RSAD2: variants seen among roughly 807,000 people sequenced by gnomAD.
RSAD2 encodes the protein radical S-adenosyl methionine domain containing 2, also known as S-adenosylmethionine-dependent nucleotide dehydratase RSAD2.
A neutral mutation model predicts 37.7 loss-of-function variants in RSAD2; 38 were observed. The ratio of observed to expected loss-of-function variants is 1.01; its 90% CI spans 0.78 to 1.32. The LOEUF (loss-of-function observed/expected upper bound fraction) is 1.32. RSAD2 is among the 40% of genes most tolerant of loss of function. The pLI is 0.00. For missense variants in RSAD2, 428 were observed against 437.5 expected (o/e 0.98, Z 0.19); for synonymous variants, 163 against 157.4 (o/e 1.04, Z -0.27).
chr2:6,888,584 ATG>A (rs1663568661), intron 3 of RSAD2, among the ~76,000 whole-genome samples: 1 of 151,716 alleles, frequency 6.6e-6, no homozygotes, highest in Non-Finnish European at 1.5e-5. Context: ...CTTTTTTCAG[ATG>A]TGTAAATATT....
chr2:6,877,568 G>A (rs1172769567), upstream of RSAD2: 9 of 548,436 alleles, frequency 1.6e-5, no homozygotes, highest in South Asian at 4.4e-5. Flanking sequence ...TGAGGCAGCC[G>A]TGAGCAGAGA....
intron 1 of RSAD2, among the ~76,000 whole-genome samples, chr2:6,871,370 C>T (rs1371997986): frequency 6.6e-6 from 1 of 152,226 alleles, no homozygotes; most frequent in Non-Finnish European, 1.5e-5. Flanking sequence ...TAAACTATTT[C>T]TCTAGACTCA....
Position 6,868,818 on chromosome 2 carries a change from C to T in RSAD2, c.142+2773C>T, listed in dbSNP as rs1663153264. 2.6e-5 allele frequency among the ~76,000 whole-genome samples: 4 copies of T among 152,202 alleles called. No homozygotes were observed. In the South Asian group the frequency reaches 6.2e-4, roughly 24 times the overall value. Reference sequence around the variant, plus strand: ...GCTGCTCACCCCTTGCATATCTCCACAGGAGCCTCAAACCATGATTGCTGT... The same window carrying T: ...GCTGCTCACCCCTTGCATATCTCCATAGGAGCCTCAAACCATGATTGCTGT... On this transcript the variant is annotated intron_variant, in intron 1 of 5. Coordinates refer to the RSAD2 transcript ENST00000442639.
chr2:6,874,797 C>T (rs927326939), upstream of RSAD2, among the ~76,000 whole-genome samples: 4 of 152,180 alleles, frequency 2.6e-5, no homozygotes, highest in Admixed American at 1.3e-4. Context: ...TTTCTCCCTA[C>T]TTGAGTCCTC....
chr2:6,875,746 G>T (rs1279426631), upstream of RSAD2, among the ~76,000 whole-genome samples: 2 of 152,136 alleles, frequency 1.3e-5, no homozygotes, highest in Non-Finnish European at 2.9e-5. Context: ...AACACTACCT[G>T]CCCTGTTCTC....
intron 3 of RSAD2, 22 bp from the exon 4 acceptor site, chr2:6,890,154 A>G: frequency 6.2e-7 from 1 of 1,612,412 alleles, no homozygotes; most frequent in South Asian, 1.1e-5. Context: ...TCTGCAAAGC[A>G]AACACTACCA....
chr2:6,875,861 G>C (rs1281078310), upstream of RSAD2, among the ~76,000 whole-genome samples: 1 of 152,174 alleles, frequency 6.6e-6, no homozygotes, highest in Non-Finnish European at 1.5e-5. Context: ...ACCCTAGAAG[G>C]AGCTAGATTA....
chr2:6,881,280 A>G (rs1663395014), intron 1 of RSAD2, among the ~76,000 whole-genome samples: 1 of 152,216 alleles, frequency 6.6e-6, no homozygotes, highest in African/African-American at 2.4e-5. Flanking sequence ...TAGGGAGGTG[A>G]TATAATGCCT....
intron 2 of RSAD2, among the ~76,000 whole-genome samples, chr2:6,884,151 G>A (rs1663470559): frequency 6.6e-6 from 1 of 152,206 alleles, no homozygotes; most frequent in African/African-American, 2.4e-5. Context: ...ACAATTCTCT[G>A]TTCTTGTTTA....
At chr2:6,893,731 T>G (rs1663678354) in intron 5 of RSAD2, 28 bp downstream of exon 5, 1 of 1,498,784 alleles carries the variant, frequency 6.7e-7, no homozygotes, top group African/African-American at 1.4e-5. Context: ...GTTATAAAAT[T>G]AAAACTTAAT....
chr2:6,895,139 A>G (rs887258095), intron 5 of RSAD2, among the ~76,000 whole-genome samples: 1 of 152,264 alleles, frequency 6.6e-6, no homozygotes, highest in African/African-American at 2.4e-5. Context: ...ACTAAAACAA[A>G]TGAAAATGGA....
rs939463248 is a variant in RSAD2, at chr2:6,895,954, G to C, written c.*12G>C. On this transcript the variant is annotated 3_prime_UTR_variant, in exon 6 of 6. Transcript: ENST00000382040. ...AGCTGGATTGGTAGAGCGGAAAGTG[G>C]AACGAGACTTCAACACACCAGTGGG... 2 of 1,611,416 alleles carry C rather than the reference G, an allele frequency of 1.2e-6. No homozygotes were observed. Among genetic ancestry groups the C allele is most frequent in the African/African-American group, 2.7e-5 (2 of 74,866 alleles).
chr2:6,870,786 G>A (rs1328822905), intron 1 of RSAD2, among the ~76,000 whole-genome samples: 1 of 152,160 alleles, frequency 6.6e-6, no homozygotes, highest in African/African-American at 2.4e-5. Context: ...GTTTTGTGGG[G>A]ATGCTCACAG....
At chr2:6,879,394 C>T (rs1663354990) in intron 1 of RSAD2, among the ~76,000 whole-genome samples, 2 of 152,138 alleles carry the variant, frequency 1.3e-5, no homozygotes, top group Admixed American at 1.3e-4. Context: ...CTCAATGTTG[C>T]TCTCAGCCTC....
At chr2:6,870,540 A>G (rs915046524) in intron 1 of RSAD2, among the ~76,000 whole-genome samples, 4 of 152,124 alleles carry the variant, frequency 2.6e-5, no homozygotes, top group Non-Finnish European at 5.9e-5. Context: ...TTTTTCCCCC[A>G]TAGGTCTCAT....
intron 1 of RSAD2, chr2:6,878,757 A>T (rs1663340167): frequency 9.9e-7 from 1 of 1,006,496 alleles, no homozygotes; most frequent in South Asian, 1.8e-5. Flanking sequence ...TGACCTTCGA[A>T]TGCAATATCT....
intron 2 of RSAD2, among the ~76,000 whole-genome samples, chr2:6,886,118 G>A (rs1284314446): frequency 2.0e-5 from 3 of 152,134 alleles, no homozygotes; most frequent in Non-Finnish European, 4.4e-5. Flanking sequence ...CACAAAACTA[G>A]GAAAACTCAG....
intron 5 of RSAD2, among the ~76,000 whole-genome samples, chr2:6,895,492 A>G (rs1663755236): frequency 6.6e-6 from 1 of 152,192 alleles, no homozygotes; most frequent in Non-Finnish European, 1.5e-5. Context: ...GCCTCTCCTG[A>G]TTACCCCTTC....
intron 4 of RSAD2, among the ~76,000 whole-genome samples, chr2:6,891,170 A>G (rs962194430): frequency 1.4e-4 from 21 of 152,116 alleles, no homozygotes; most frequent in Admixed American, 1.3e-4. Flanking sequence ...CAAAACATCC[A>G]ATGGGCATAA....
Sources: allele counts gnomAD v4.1 joint callset (sites outside exome capture counted in the v4.1 genomes callset), GRCh38; gene constraint gnomAD v4.1.1; transcripts MANE v1.5; gene names NCBI Gene and HGNC (gene_info 2026-07-23, HGNC 2026-07-21).